The following TFEC variants were observed in gnomAD, a reference collection of about 807,000 sequenced individuals.
The protein encoded by TFEC is class E basic helix-loop-helix protein 34.
Under a neutral mutation model 41.6 loss-of-function variants are expected in TFEC, and 31 were observed. The observed-to-expected ratio is 0.74, with a 90% CI of 0.56 to 1.01. TFEC has a LOEUF of 1.01. Among genes scored for constraint, TFEC ranks in the 50% least tolerant of loss-of-function variants. The probability of loss-of-function intolerance (pLI) is 0.00; values close to 1 mark genes in which losing one functional copy is unlikely to be tolerated. For missense variants in TFEC, 402 were observed against 404.1 expected, an observed-to-expected ratio of 0.99 and a Z score of 0.04; for synonymous variants, 143 against 140.6, an observed-to-expected ratio of 1.02 and a Z score of -0.12.
chr7:115,972,866 G>A (rs900715317), intron 3 of TFEC, among the ~76,000 whole-genome samples: 1 of 152,070 alleles, frequency 6.6e-6, no homozygotes, highest in Admixed American at 6.6e-5. Flanking sequence ...AATGAAGTAA[G>A]TACCATGTAC....
chr7:115,944,246 C>T lies in TFEC; in HGVS notation c.516-2206G>A, dbSNP rs1029639080. Among the ~76,000 whole-genome samples, 5 of 151,020 alleles carry T rather than the reference C, an allele frequency of 3.3e-5. 1 individual carries two copies. The South Asian group carries it at 1.1e-3, about 33-fold the overall frequency. Reference sequence around the variant, plus strand: ...ATTAAAGATCTAATAATACTTTTAACTTTCTACTCATGTAATTTTTGTAAA... The same window carrying T: ...ATTAAAGATCTAATAATACTTTTAATTTTCTACTCATGTAATTTTTGTAAA... On this transcript the variant is annotated intron_variant, in intron 6 of 7. Transcript: ENST00000265440.
At chr7:116,024,868 C>T (rs1562939992) in intron 1 of TFEC, among the ~76,000 whole-genome samples, 1 of 151,992 alleles carries the variant, frequency 6.6e-6, no homozygotes, top group Non-Finnish European at 1.5e-5. Flanking sequence ...TTTTTTCCAT[C>T]TCCTATCATA....
intron 1 of TFEC, among the ~76,000 whole-genome samples, chr7:116,132,452 G>A (rs891674164): frequency 6.6e-5 from 10 of 152,202 alleles, no homozygotes; most frequent in African/African-American, 2.2e-4. Flanking sequence ...TATAACTCTC[G>A]AAAAACTGAA....
chr7:116,125,951 G>C lies in TFEC; in HGVS notation c.-68-13913C>G, dbSNP rs140847419. Among the ~76,000 whole-genome samples, 747 of 152,254 alleles carry C rather than the reference G, an allele frequency of 4.9e-3. 12 individuals carry two copies. Among genetic ancestry groups the C allele is most frequent in the African/African-American group, 0.017 (714 of 41,546 alleles). On this transcript the variant is annotated intron_variant, in intron 1 of 8. Transcript: ENST00000484212. ...AAACTGAAATCTCAGAGCTTGTACA[G>C]GACAGCAAGGAGAGCCACCCTGATA...
chr7:116,049,097 A>G (rs141231311), intron 3 of TFEC, among the ~76,000 whole-genome samples: 27,115 of 152,156 alleles, frequency 0.18, 2,443 homozygotes, highest in East Asian at 0.3. Flanking sequence ...ACCAGCTAAC[A>G]TCATAATGAC....
chr7:116,014,631 G>A (rs1209387199), intron 1 of TFEC, among the ~76,000 whole-genome samples: 1 of 151,990 alleles, frequency 6.6e-6, no homozygotes, highest in East Asian at 1.9e-4. Flanking sequence ...CCCCACCAAA[G>A]ATGTCCACAT....
intron 1 of TFEC, among the ~76,000 whole-genome samples, chr7:116,022,078 G>C (rs114721787): frequency 3.9e-5 from 6 of 152,084 alleles, no homozygotes; most frequent in African/African-American, 1.4e-4. Flanking sequence ...AAGTACCCGC[G>C]TGCCCACCTC....
intron 3 of TFEC, among the ~76,000 whole-genome samples, chr7:115,958,443 G>A (rs769172426): frequency 3.3e-5 from 5 of 151,784 alleles, no homozygotes; most frequent in African/African-American, 7.3e-5. Flanking sequence ...TAATGGACAC[G>A]TTGAACAAAA....
At position 116,053,533 on chromosome 7, in the gene TFEC, A is replaced by G. The variant is rs965261474; in HGVS notation, c.198+57175T>C. 3.3e-5 allele frequency among the ~76,000 whole-genome samples: 5 copies of G among 152,356 alleles called. No homozygotes were observed. The East Asian group carries it at 9.6e-4, about 29-fold the overall frequency. On this transcript the variant is annotated intron_variant, in intron 3 of 8. Transcript: ENST00000484212. ...CCAAAGTGGCAGTATTGAGAGGTGGAAAACGGGTGATTTGATCATGAGGGC... is the reference window on the plus strand; with the variant it reads ...CCAAAGTGGCAGTATTGAGAGGTGGGAAACGGGTGATTTGATCATGAGGGC...
chr7:115,957,051 G>A (rs1792273831), intron 3 of TFEC, among the ~76,000 whole-genome samples: 1 of 151,860 alleles, frequency 6.6e-6, no homozygotes, highest in South Asian at 2.1e-4. Context: ...ATGTATGAAG[G>A]AAAATTCCTA....
chr7:116,154,396 T>C (rs965648668), intron 1 of TFEC, among the ~76,000 whole-genome samples: 1 of 152,176 alleles, frequency 6.6e-6, no homozygotes, highest in African/African-American at 2.4e-5. Flanking sequence ...CAAAATCACT[T>C]TTGAAGGAGT....
intron 6 of TFEC, among the ~76,000 whole-genome samples, chr7:115,942,914 G>A (rs1793577827): frequency 6.6e-6 from 1 of 152,008 alleles, no homozygotes; most frequent in African/African-American, 2.4e-5. Flanking sequence ...GTTAATCAGA[G>A]TTGTTGGAAA....
chr7:115,946,274 C>A (rs1309626269), intron 6 of TFEC, among the ~76,000 whole-genome samples: 1 of 150,706 alleles, frequency 6.6e-6, no homozygotes, highest in African/African-American at 2.4e-5. Context: ...AATGTCTTCA[C>A]AATCTAGTAT....
At chr7:115,977,631 A>T (rs1793442489) in intron 2 of TFEC, among the ~76,000 whole-genome samples, 1 of 152,044 alleles carries the variant, frequency 6.6e-6, no homozygotes, top group Admixed American at 6.6e-5. Flanking sequence ...TAAAACCATG[A>T]AACTGATACA....
intron 1 of TFEC, among the ~76,000 whole-genome samples, chr7:116,118,104 T>A (rs1365271641): frequency 6.6e-6 from 1 of 151,830 alleles, no homozygotes; most frequent in Admixed American, 6.6e-5. Context: ...AGAGTTGACC[T>A]TTATTTAACC....
At chr7:115,986,574 T>C (rs1793865884) in intron 1 of TFEC, among the ~76,000 whole-genome samples, 2 of 151,812 alleles carry the variant, frequency 1.3e-5, no homozygotes, top group Non-Finnish European at 2.9e-5. Flanking sequence ...AGTCAGCTGT[T>C]GGAAGGAGAG....
chr7:116,143,462 C>T (rs2116407267), intron 1 of TFEC, among the ~76,000 whole-genome samples: 1 of 152,150 alleles, frequency 6.6e-6, no homozygotes, highest in Non-Finnish European at 1.5e-5. Context: ...ATTCTCATTC[C>T]AGGACGAAAA....
chr7:115,970,219 C>G (rs1319924978), intron 3 of TFEC, among the ~76,000 whole-genome samples: 2 of 151,820 alleles, frequency 1.3e-5, no homozygotes, highest in Non-Finnish European at 2.9e-5. Flanking sequence ...TCCACAGAAC[C>G]CCAGATAGCT....
chr7:115,953,158 G>A (rs1792037742), intron 5 of TFEC, among the ~76,000 whole-genome samples: 1 of 152,008 alleles, frequency 6.6e-6, no homozygotes. Flanking sequence ...GAATGGAATA[G>A]GGGGTGCAGA....
Sources: allele counts gnomAD v4.1 joint callset (sites outside exome capture counted in the v4.1 genomes callset), GRCh38; gene constraint gnomAD v4.1.1; transcripts MANE v1.5; gene names NCBI Gene and HGNC (gene_info 2026-07-23, HGNC 2026-07-21).